The following FEN1 variants were observed in gnomAD, a reference collection of about 807,000 sequenced individuals.
The protein encoded by FEN1 is flap structure-specific endonuclease 1, also known as flap endonuclease 1.
Under a neutral mutation model 24.7 loss-of-function variants are expected in FEN1, and 19 were observed. The observed-to-expected ratio is 0.77, with a 90% CI of 0.54 to 1.13. The LOEUF (loss-of-function observed/expected upper bound fraction) is 1.13, where lower values mean the gene tolerates loss of function less well. FEN1 is among the 50% of genes most tolerant of loss of function. FEN1 has a pLI of 0.00. For missense variants in FEN1, 339 were observed against 488.7 expected, an observed-to-expected ratio of 0.69 and a Z score of 2.89; for synonymous variants, 155 against 189.2, an observed-to-expected ratio of 0.82 and a Z score of 1.48.
At chr11:61,793,310 A>G (rs2066800056) in intron 1 of FEN1, 1 of 152,382 alleles carries the variant, frequency 6.6e-6, no homozygotes. Flanking sequence ...TTTCCTGCCT[A>G]CCTGTCTGTG....
Position 61,796,559 on chromosome 11 carries a change from T to A in FEN1, c.*55T>A, listed in dbSNP as rs912324469. 1 of 1,487,630 alleles carries A rather than the reference T, an allele frequency of 6.7e-7. No individual in the cohort carries two copies. Among genetic ancestry groups the A allele is most frequent in the Non-Finnish European group, 9.0e-7 (1 of 1,116,488 alleles). 92.2% of individuals were successfully genotyped at this position (1,487,630 alleles called of 1,614,324 possible). On this transcript the variant is annotated 3_prime_UTR_variant, in exon 2 of 2. Coordinates refer to ENST00000305885, the MANE Select transcript of FEN1 (RefSeq NM_004111.6). Reference sequence around the variant, plus strand: ...CCAGAATATTTGCCGTCTTGTACCCTTAAGAGCTACAGCTAGAGAAACCTT... The same window carrying A: ...CCAGAATATTTGCCGTCTTGTACCCATAAGAGCTACAGCTAGAGAAACCTT...
In FEN1 at chr11:61,795,765, A is replaced by G. The variant is rs766834617; in HGVS notation, c.404A>G (p.Lys135Arg). Residue 135 changes from lysine (K) to arginine (R), a missense_variant, in exon 2 of 2, where the codon AAG becomes AGG. Lys to Arg is a conservative substitution (Grantham distance 26, BLOSUM62 2). Around this residue, in one of 3 missense-constraint regions of FEN1, gnomAD observed 216 missense variants for 329.7 expected, o/e 0.66. Coordinates refer to ENST00000305885, the MANE Select transcript of FEN1 (RefSeq NM_004111.6). This position sits in a 1 kb window ranked among gnomAD's most constrained non-coding sequence, Gnocchi z 4.1. Reference sequence around the variant, plus strand: ...ACTAAGCGGCTGGTGAAGGTCACTAAGCAGCACAATGATGAGTGCAAACAT... The same window carrying G: ...ACTAAGCGGCTGGTGAAGGTCACTAGGCAGCACAATGATGAGTGCAAACAT... Reference protein sequence around the residue: ...KFTKRLVKVTKQHNDECKHLL... With the variant: ...KFTKRLVKVTRQHNDECKHLL... The G allele has an allele frequency of 6.2e-7, 1 of 1,613,976 alleles. No individual in the cohort carries two copies. The highest frequency in any genetic ancestry group is 1.1e-5 in the South Asian group (1 of 91,084).
chr11:61,793,967 T>C (rs541146191), intron 1 of FEN1, among the ~76,000 whole-genome samples: 20 of 152,294 alleles, frequency 1.3e-4, no homozygotes, highest in African/African-American at 4.8e-4. Flanking sequence ...TCTTTTGTCT[T>C]CTTTTCTTTT....
At position 61,795,623 on chromosome 11, in the gene FEN1, A is replaced by G; in HGVS notation, c.262A>G (p.Lys88Glu). 1 of 1,614,134 alleles carries G rather than the reference A, an allele frequency of 6.2e-7. No individual in the cohort carries two copies. Among genetic ancestry groups the G allele is most frequent in the Non-Finnish European group, 8.5e-7 (1 of 1,180,040 alleles). The change falls in exon 2 of 2, where the codon AAG (lysine) becomes GAG (glutamate). Residue 88 changes from lysine to glutamate, a missense_variant. Around this residue, in one of 3 missense-constraint regions of FEN1, gnomAD observed 216 missense variants for 329.7 expected, o/e 0.66. Transcript: ENST00000305885. This position sits in a 1 kb window ranked among gnomAD's most constrained non-coding sequence, Gnocchi z 4.1. Reference protein sequence around the residue: ...GIKPVYVFDGKPPQLKSGELA... With the variant: ...GIKPVYVFDGEPPQLKSGELA... ...CAAGCCCGTGTATGTCTTTGATGGC[A>G]AGCCGCCACAGCTCAAGTCAGGCGA...
rs1349947338 is a variant in FEN1, at chr11:61,797,151, T to C, written c.*647T>C. 6.0e-6 allele frequency: 1 copy of C among 167,314 alleles called. No homozygotes were observed. Among genetic ancestry groups the C allele is most frequent in the African/African-American group, 2.4e-5 (1 of 41,458 alleles). 10.4% of individuals were successfully genotyped at this position (167,314 alleles called of 1,614,324 possible). On this transcript the variant is annotated 3_prime_UTR_variant, in exon 2 of 2. Transcript: ENST00000305885. ...GATGTTCACCTGGCAATCAGCTGAG[T>C]TGAGACTTTGGAATAAGACACTGGT... is the stretch of plus-strand genomic sequence containing the variant.
At position 61,795,139 on chromosome 11, in the gene FEN1, T is replaced by C. The variant is rs1269437722; in HGVS notation, c.-21-202T>C. ...CACGTGGTTCAATTTCTGGTACTCG[T>C]TGAGCCTTACTATTGAGTAAATTCT... On this transcript the variant is annotated intron_variant, in intron 1 of 1. Transcript: ENST00000305885. The surrounding 1 kb of genome is among the most constrained non-coding windows in gnomAD (Gnocchi z 4.1). 1.3e-5 allele frequency among the ~76,000 whole-genome samples: 2 copies of C among 152,232 alleles called. No homozygotes were observed. The highest frequency in any genetic ancestry group is 2.1e-4 in the South Asian group (1 of 4,838).
chr11:61,795,303 C>G lies in FEN1; in HGVS notation c.-21-38C>G, dbSNP rs538220260. The G allele has an allele frequency of 2.0e-6, 3 of 1,524,086 alleles. No individual in the cohort carries two copies. Among genetic ancestry groups the G allele is most frequent in the East Asian group, 2.3e-5 (1 of 44,100 alleles). 94.4% of individuals were successfully genotyped at this position (1,524,086 alleles called of 1,614,324 possible). ...TGAGATAACACCAGTTATAACCTTT[C>G]TCCTTTCCTCCGTCTCTGACTTGCC... On this transcript the variant is annotated intron_variant, in intron 1 of 1. Coordinates refer to ENST00000305885, the MANE Select transcript of FEN1 (RefSeq NM_004111.6). This position sits in a 1 kb window ranked among gnomAD's most constrained non-coding sequence, Gnocchi z 4.1.
Position 61,795,929 on chromosome 11 carries a change from C to G in FEN1, c.568C>G (p.Leu190Val), listed in dbSNP as rs753589075. Residue 190 changes from leucine to valine, a missense_variant, in exon 2 of 2, where the codon CTA (leucine) becomes GTA (valine). This residue lies in a region of FEN1 where 216 missense variants were observed against 329.7 expected (regional missense o/e 0.66). Transcript: ENST00000305885. The surrounding 1 kb of genome is among the most constrained non-coding windows in gnomAD (Gnocchi z 4.1). ...CTGCCTCACCTTCGGCAGCCCTGTG[C>G]TAATGCGACACCTGACTGCCAGTGA... ...MDCLTFGSPV[L>V]MRHLTASEAK... is the part of the protein sequence containing the mutation. 2.5e-5 allele frequency: 41 copies of G among 1,613,988 alleles called. No individual in the cohort carries two copies. Among genetic ancestry groups the G allele is most frequent in the Non-Finnish European group, 3.4e-5 (40 of 1,180,056 alleles).
rs373769891 is a variant in FEN1 at position 61,795,312 on chromosome 11, T to G, written c.-21-29T>G. On this transcript the variant is annotated intron_variant, in intron 1 of 1. Transcript: ENST00000305885. The surrounding 1 kb of genome is among the most constrained non-coding windows in gnomAD (Gnocchi z 4.1). ...ACCAGTTATAACCTTTCTCCTTTCCTCCGTCTCTGACTTGCCTTTCTTTTT... is the reference window on the plus strand; with the variant it reads ...ACCAGTTATAACCTTTCTCCTTTCCGCCGTCTCTGACTTGCCTTTCTTTTT... The G allele has an allele frequency of 1.3e-6, 2 of 1,535,872 alleles. No homozygotes were observed. Among genetic ancestry groups the G allele is most frequent in the African/African-American group, 2.8e-5 (2 of 72,622 alleles).
Position 61,795,430 on chromosome 11 carries a change from C to A in FEN1, c.69C>A (p.Ile23=). The A allele has an allele frequency of 2.5e-6, 4 of 1,614,108 alleles. No homozygotes were observed. The highest frequency in any genetic ancestry group is 3.4e-6 in the Non-Finnish European group (4 of 1,179,982). Residue 23 remains isoleucine, a synonymous_variant, in exon 2 of 2, where the codon ATC becomes ATA. Coordinates refer to ENST00000305885, the MANE Select transcript of FEN1 (RefSeq NM_004111.6). The surrounding 1 kb of genome is among the most constrained non-coding windows in gnomAD (Gnocchi z 4.1). ...CCAGTGCCATCCGGGAGAATGACAT[C>A]AAGAGCTACTTTGGCCGTAAGGTGG... The part of the protein sequence containing the change: ...VAPSAIREND[I]KSYFGRKVAI...
Position 61,795,718 on chromosome 11 carries a change from C to A in FEN1, c.357C>A (p.Ala119=), listed in dbSNP as rs745612425. The change falls in exon 2 of 2, where the codon GCC becomes GCA. Residue 119 remains alanine, a synonymous_variant. Transcript: ENST00000305885. This position sits in a 1 kb window ranked among gnomAD's most constrained non-coding sequence, Gnocchi z 4.1. Reference sequence around the variant, plus strand: ...TGCAGCAGGCTCAGGCTGCTGGGGCCGAGCAGGAGGTGGAAAAATTCACTA... The same window carrying A: ...TGCAGCAGGCTCAGGCTGCTGGGGCAGAGCAGGAGGTGGAAAAATTCACTA... ...KQLQQAQAAG[A]EQEVEKFTKR... is the part of the protein sequence containing the mutation. 1.2e-6 allele frequency: 2 copies of A among 1,613,756 alleles called. No homozygotes were observed. Among genetic ancestry groups the A allele is most frequent in the Non-Finnish European group, 1.7e-6 (2 of 1,179,962 alleles).
At chr11:61,793,232 G>T (rs117731621) in intron 1 of FEN1, 178 of 153,058 alleles carry the variant, frequency 1.2e-3, no homozygotes, top group Non-Finnish European at 2.1e-3. Context: ...CACCTTATGG[G>T]GTCGTGTTGT....
At chr11:61,793,302 T>G (rs2066799974) in intron 1 of FEN1, 1 of 152,540 alleles carries the variant, frequency 6.6e-6, no homozygotes, top group South Asian at 2.0e-4. Flanking sequence ...TAGGCCCCTT[T>G]CCTGCCTACC....
chr11:61,795,517 G>A lies in FEN1; in HGVS notation c.156G>A (p.Val52=). The A allele has an allele frequency of 1.2e-6, 2 of 1,614,188 alleles. No homozygotes were observed. The highest frequency in any genetic ancestry group is 1.6e-4 in the Middle Eastern group (1 of 6,062). The change falls in exon 2 of 2, where the codon GTG becomes GTA. Residue 52 remains valine (V), a synonymous_variant. Coordinates refer to ENST00000305885, the MANE Select transcript of FEN1 (RefSeq NM_004111.6). The surrounding 1 kb of genome is among the most constrained non-coding windows in gnomAD (Gnocchi z 4.1). ...TTGCTGTTCGCCAGGGTGGGGATGTGCTGCAGAATGAGGAGGGTGAGACCA... is the reference window on the plus strand; with the variant it reads ...TTGCTGTTCGCCAGGGTGGGGATGTACTGCAGAATGAGGAGGGTGAGACCA... The part of the protein sequence containing the change: ...FLIAVRQGGD[V]LQNEEGETTS...
In FEN1 at chr11:61,796,646, C is replaced by G; in HGVS notation, c.*142C>G. ...GTGACCCTTTTCAGTAGTGCTAGTC[C>G]CTTTTTTACTTGATCTTAATGGCAA... On this transcript the variant is annotated 3_prime_UTR_variant, in exon 2 of 2. Transcript: ENST00000305885. 1.1e-6 allele frequency: 1 copy of G among 916,312 alleles called. No individual in the cohort carries two copies. The highest frequency in any genetic ancestry group is 1.9e-5 in the South Asian group (1 of 53,946). 56.8% of individuals were successfully genotyped at this position (916,312 alleles called of 1,614,324 possible).
At position 61,792,971 on chromosome 11, in the gene FEN1, G is replaced by T. The variant is rs982445076; in HGVS notation, c.-79G>T. 2.5e-4 allele frequency: 52 copies of T among 206,296 alleles called. No individual in the cohort carries two copies. Among genetic ancestry groups the T allele is most frequent in the Admixed American group, 3.3e-4 (6 of 18,150 alleles). The allele number at this position is 206,296 out of a possible 1,614,324, so 12.8% of individuals were successfully genotyped here. ...AGGGAGAGCGAGCTTAGGACCGCCTGCCCGGGGCAACCCCGAACCAAGCTT... is the reference window on the plus strand; with the variant it reads ...AGGGAGAGCGAGCTTAGGACCGCCTTCCCGGGGCAACCCCGAACCAAGCTT... On this transcript the variant is annotated 5_prime_UTR_variant, in exon 1 of 2. Coordinates refer to ENST00000305885, the MANE Select transcript of FEN1 (RefSeq NM_004111.6).
Position 61,795,585 on chromosome 11 carries a change from T to C in FEN1, c.224T>C (p.Met75Thr). The C allele has an allele frequency of 3.7e-6, 6 of 1,614,206 alleles. No homozygotes were observed. The highest frequency in any genetic ancestry group is 5.1e-6 in the Non-Finnish European group (6 of 1,180,050). The part of the protein sequence containing the change: ...MGMFYRTIRM[M>T]ENGIKPVYVF... ...ATGTTCTACCGCACCATTCGCATGATGGAGAACGGCATCAAGCCCGTGTAT... is the reference window on the plus strand; with the variant it reads ...ATGTTCTACCGCACCATTCGCATGACGGAGAACGGCATCAAGCCCGTGTAT... The change falls in exon 2 of 2, where the codon ATG becomes ACG. Residue 75 changes from methionine (M) to threonine (T), a missense_variant. By Grantham distance (81) the Met-to-Thr change is moderately conservative. Coordinates refer to ENST00000305885, the MANE Select transcript of FEN1 (RefSeq NM_004111.6). This position sits in a 1 kb window ranked among gnomAD's most constrained non-coding sequence, Gnocchi z 4.1.
In FEN1 at chr11:61,795,417, G is replaced by A. The variant is rs1208658926; in HGVS notation, c.56G>A (p.Arg19Gln). ...GCTGATGTGGCCCCCAGTGCCATCC[G>A]GGAGAATGACATCAAGAGCTACTTT... ...LIADVAPSAI[R>Q]ENDIKSYFGR... The change falls in exon 2 of 2, where the codon CGG becomes CAG. Residue 19 changes from arginine to glutamine, a missense_variant. Arg to Gln is a conservative substitution (Grantham distance 43, BLOSUM62 1). This residue lies in a region of FEN1 where 216 missense variants were observed against 329.7 expected (regional missense o/e 0.66). Coordinates refer to ENST00000305885, the MANE Select transcript of FEN1 (RefSeq NM_004111.6). The surrounding 1 kb of genome is among the most constrained non-coding windows in gnomAD (Gnocchi z 4.1). 5 of 1,613,792 alleles carry A rather than the reference G, an allele frequency of 3.1e-6. No individual in the cohort carries two copies. The highest frequency in any genetic ancestry group is 4.2e-6 in the Non-Finnish European group (5 of 1,179,772).
In FEN1 at chr11:61,795,229, CATG is replaced by C. The variant is rs955290296; in HGVS notation, c.-21-111_-21-109del. 4 of 868,202 alleles carry C rather than the reference CATG, an allele frequency of 4.6e-6. No homozygotes were observed. In the Admixed American group the frequency reaches 1.2e-4, roughly 27 times the overall value. The allele number at this position is 868,202 out of a possible 1,614,324, so 53.8% of individuals were successfully genotyped here. A position where few individuals can be genotyped will look rare whatever the true frequency, so the allele number is the denominator to read the frequency against. ...ATCTTTTTATCTTTAGCAGTGCTGA[CATG>C]GTGTCCTTTTTGTTGTGTGGAATTT... is the stretch of plus-strand genomic sequence containing the variant. On this transcript the variant is annotated intron_variant, in intron 1 of 1. Coordinates refer to ENST00000305885, the MANE Select transcript of FEN1 (RefSeq NM_004111.6). This position sits in a 1 kb window ranked among gnomAD's most constrained non-coding sequence, Gnocchi z 4.1.
Sources: allele counts gnomAD v4.1 joint callset (sites outside exome capture counted in the v4.1 genomes callset), GRCh38; gene constraint gnomAD v4.1.1; regional missense constraint gnomAD v4.1.1; non-coding constraint Gnocchi (gnomAD v3.1); transcripts MANE v1.5; gene names NCBI Gene and HGNC (gene_info 2026-07-23, HGNC 2026-07-21).